Variants in NEK4 observed in about 807,000 individuals in gnomAD.
The protein encoded by NEK4 is serine/threonine-protein kinase Nek4.
Under a neutral mutation model 98.4 loss-of-function variants are expected in NEK4, and 86 were observed. The ratio of observed to expected loss-of-function variants is 0.87; its 90% CI spans 0.73 to 1.05. The LOEUF is 1.05. Ranked by LOEUF, NEK4 falls within the 50% of genes least tolerant of loss-of-function variation. NEK4 has a pLI of 0.00. For synonymous variants in NEK4, 328 were observed against 342.2 expected, an observed-to-expected ratio of 0.96 and a Z score of 0.46; for missense variants, 898 against 950.3, an observed-to-expected ratio of 0.94 and a Z score of 0.72.
At chr3:52,758,526 T>C (rs1291888945) in intron 6 of NEK4, among the ~76,000 whole-genome samples, 1 of 152,006 alleles carries the variant, frequency 6.6e-6, no homozygotes, top group African/African-American at 2.4e-5. Context: ...AGACGTTGGA[T>C]TTGGCAAGGG....
intron 8 of NEK4, chr3:52,747,466 A>AG (rs1561314106): frequency 6.6e-6 from 1 of 150,844 alleles, no homozygotes; most frequent in East Asian, 1.9e-4. Flanking sequence ...AAAAAAAAAA[A>AG]AAAGAAAAGA....
At chr3:52,745,913 A>T in intron 10 of NEK4, 148 bp downstream of exon 10, 2 of 689,532 alleles carry the variant, frequency 2.9e-6, no homozygotes, top group Admixed American at 5.1e-5. Context: ...TGTAGAGACA[A>T]GGTCTCACTA....
chr3:52,743,543 C>G (rs2097390443), intron 11 of NEK4, 82 bp from the exon 12 acceptor site: 7 of 1,048,492 alleles, frequency 6.7e-6, no homozygotes, highest in South Asian at 6.4e-5. Flanking sequence ...ATGGAACATA[C>G]CCCAGCAGGA....
intron 5 of NEK4, among the ~76,000 whole-genome samples, chr3:52,761,388 T>C (rs1250272917): frequency 6.6e-6 from 1 of 152,134 alleles, no homozygotes; most frequent in Non-Finnish European, 1.5e-5. Flanking sequence ...AAGTGATTCT[T>C]GTGCCTCAGC....
At chr3:52,765,359 A>C (rs944561336) in intron 4 of NEK4, among the ~76,000 whole-genome samples, 4 of 151,972 alleles carry the variant, frequency 2.6e-5, no homozygotes, top group Non-Finnish European at 5.9e-5. Flanking sequence ...CTCAAAAAAA[A>C]AAAAACAAAA....
At chr3:52,753,965 C>A in intron 6 of NEK4, 1 of 271,240 alleles carries the variant, frequency 3.7e-6, no homozygotes, top group Non-Finnish European at 7.2e-6. Context: ...GAGTTCGAGA[C>A]CAGCCTGGCT....
chr3:52,754,406 C>A, intron 6 of NEK4: 1 of 492,078 alleles, frequency 2.0e-6, no homozygotes, highest in Non-Finnish European at 4.1e-6. Flanking sequence ...CCCCCTAAAC[C>A]CAGAGGCTGC....
rs1431275256 is a variant in NEK4, at chr3:52,752,024, GA to G, written c.1275del (p.Met427CysfsTer15). 1.2e-6 allele frequency: 2 copies of G among 1,614,090 alleles called. No homozygotes were observed. Among genetic ancestry groups the G allele is most frequent in the Admixed American group, 3.3e-5 (2 of 60,004 alleles). On this transcript the variant is annotated frameshift_variant, in exon 7 of 16. Coordinates refer to ENST00000233027, the MANE Select transcript of NEK4 (RefSeq NM_003157.6). LOFTEE classifies it high-confidence loss of function. ...GTGACAATGTCAGAGGACCACATGGGAATCAGGTTTTCAGGCTGGGCACTGG... is the reference window on the plus strand; with the variant it reads ...GTGACAATGTCAGAGGACCACATGGGATCAGGTTTTCAGGCTGGGCACTGG... ...TKSSAQPENLIPMWSSDIVTG... is the reference protein window; with the variant it reads ...TKSSAQPENLXPMWSSDIVTG...
intron 8 of NEK4, among the ~76,000 whole-genome samples, chr3:52,748,054 G>T (rs1458460636): frequency 6.6e-6 from 1 of 152,030 alleles, no homozygotes; most frequent in African/African-American, 2.4e-5. Flanking sequence ...CCTCCTCCTG[G>T]GTTCACGCCA....
intron 15 of NEK4, among the ~76,000 whole-genome samples, chr3:52,726,835 C>T (rs1309242388): frequency 3.3e-5 from 5 of 151,948 alleles, no homozygotes; most frequent in Non-Finnish European, 5.9e-5. Context: ...ACCTGGGAGG[C>T]GGAGGTTGCA....
At chr3:52,758,666 T>A (rs981015421) in intron 6 of NEK4, among the ~76,000 whole-genome samples, 13 of 151,002 alleles carry the variant, frequency 8.6e-5, no homozygotes, top group South Asian at 2.1e-4. Context: ...AAAAAAAAAA[T>A]TTTAACTAAA....
rs148726190 is a variant in NEK4 at position 52,759,801 on chromosome 3, T to C, written c.963+994A>G. 9.2e-5 allele frequency among the ~76,000 whole-genome samples: 14 copies of C among 152,280 alleles called. No homozygotes were observed. In the East Asian group the frequency reaches 1.7e-3, roughly 19 times the overall value. ...TCAACTACTTGCACACTTATGTTCATAGCAATAGCCAAAAGGTGAAAAAAA... is the reference window on the plus strand; with the variant it reads ...TCAACTACTTGCACACTTATGTTCACAGCAATAGCCAAAAGGTGAAAAAAA... On this transcript the variant is annotated intron_variant, in intron 6 of 15. Coordinates refer to ENST00000233027, the MANE Select transcript of NEK4 (RefSeq NM_003157.6).
At chr3:52,764,757 C>G (rs563653135) in intron 4 of NEK4, among the ~76,000 whole-genome samples, 1 of 140,432 alleles carries the variant, frequency 7.1e-6, no homozygotes, top group East Asian at 2.1e-4. Flanking sequence ...TGTGCGCGTG[C>G]GCATGCACAC....
intron 15 of NEK4, among the ~76,000 whole-genome samples, chr3:52,734,144 G>A (rs1029311950): frequency 1.3e-5 from 2 of 152,104 alleles, no homozygotes; most frequent in African/African-American, 4.8e-5. Flanking sequence ...TGGATCATAA[G>A]GTCAAGAGAT....
At chr3:52,715,745 A>G (rs536929195) in intron 15 of NEK4, among the ~76,000 whole-genome samples, 5 of 152,340 alleles carry the variant, frequency 3.3e-5, no homozygotes, top group South Asian at 2.1e-4. Flanking sequence ...ATTTGTCCAC[A>G]TACCCCTTCC....
chr3:52,767,798 C>T (rs1011371860), intron 2 of NEK4, among the ~76,000 whole-genome samples: 3 of 152,008 alleles, frequency 2.0e-5, no homozygotes, highest in Non-Finnish European at 4.4e-5. Flanking sequence ...TACCCAGTTC[C>T]AAAATAGTAT....
chr3:52,756,854 G>C (rs891878800), intron 6 of NEK4, among the ~76,000 whole-genome samples: 1 of 151,844 alleles, frequency 6.6e-6, no homozygotes, highest in Non-Finnish European at 1.5e-5. Flanking sequence ...TCATATATGT[G>C]ATAAGGAATT....
intron 4 of NEK4, among the ~76,000 whole-genome samples, chr3:52,764,074 C>T (rs996785691): frequency 2.0e-5 from 3 of 151,792 alleles, no homozygotes; most frequent in Non-Finnish European, 4.4e-5. Context: ...TGCCTGAGGT[C>T]AGGAGTTTGA....
chr3:52,752,786 G>C (rs971884469), intron 6 of NEK4, among the ~76,000 whole-genome samples: 1 of 149,782 alleles, frequency 6.7e-6, no homozygotes, highest in African/African-American at 2.5e-5. Flanking sequence ...TGTAGTCCCA[G>C]TTACCTGGGA....
Sources: gnomAD v4.1 joint callset for allele counts (sites outside exome capture counted in the v4.1 genomes callset) on GRCh38, gnomAD v4.1.1 for gene constraint, MANE v1.5 for transcripts, NCBI Gene and HGNC (gene_info 2026-07-23, HGNC 2026-07-21) for gene names.